Variants in CNTLN observed in about 807,000 individuals in gnomAD.
CNTLN encodes the protein centlein, also known as centlein, centrosomal protein.
In CNTLN, 212 loss-of-function variants were observed where a neutral mutation model predicts 180.0. That is an observed-to-expected ratio of 1.18 (90% CI 1.05 to 1.32). The LOEUF is 1.32. CNTLN is among the 40% of genes most tolerant of loss of function. CNTLN has a pLI of 0.00. For synonymous variants in CNTLN, 722 were observed against 563.1 expected (o/e 1.28, Z -3.99); for missense variants, 2,095 against 1,610.9 (o/e 1.30, Z -5.14).
intron 25 of CNTLN, among the ~76,000 whole-genome samples, chr9:17,494,539 T>A (rs190811466): frequency 1.1e-3 from 174 of 152,196 alleles, no homozygotes; most frequent in African/African-American, 3.7e-3. Flanking sequence ...TACCGTCAAA[T>A]AGGCCCCAGG....
intron 10 of CNTLN, 34 bp from the exon 11 acceptor site, chr9:17,340,793 A>C (rs779193386): frequency 6.4e-7 from 1 of 1,565,534 alleles, no homozygotes; most frequent in South Asian, 1.2e-5. Context: ...ACTTTCTTCA[A>C]ACTTATATAT....
chr9:17,258,009 T>C (rs1024189747), intron 5 of CNTLN, among the ~76,000 whole-genome samples: 1 of 150,848 alleles, frequency 6.6e-6, no homozygotes, highest in African/African-American at 2.5e-5. Context: ...ATTTTGTCTT[T>C]TGTTGCCATT....
intron 2 of CNTLN, among the ~76,000 whole-genome samples, chr9:17,157,454 AAGAAG>A (rs1484459321): frequency 1.3e-5 from 2 of 152,198 alleles, no homozygotes; most frequent in African/African-American, 2.4e-5. Flanking sequence ...AAGAGGAAGA[AAGAAG>A]AGAAAAGAGC....
At chr9:17,153,042 T>C (rs1819003568) in intron 2 of CNTLN, among the ~76,000 whole-genome samples, 1 of 152,214 alleles carries the variant, frequency 6.6e-6, no homozygotes, top group South Asian at 2.1e-4. Flanking sequence ...ATTTTGAGCC[T>C]ATGTGTGTCT....
chr9:17,316,696 T>G (rs1819561367), intron 8 of CNTLN, among the ~76,000 whole-genome samples: 1 of 152,120 alleles, frequency 6.6e-6, no homozygotes, highest in Non-Finnish European at 1.5e-5. Flanking sequence ...TTTTAATATG[T>G]GTTATGTCTG....
the CNTLN span, among the ~76,000 whole-genome samples, chr9:17,513,992 T>A: frequency 1.3e-5 from 2 of 152,116 alleles, no homozygotes; most frequent in Non-Finnish European, 2.9e-5. Flanking sequence ...CAAATATAAA[T>A]AACCCAGATT....
At chr9:17,359,072 G>A (rs987284275) in intron 12 of CNTLN, among the ~76,000 whole-genome samples, 6 of 150,994 alleles carry the variant, frequency 4.0e-5, no homozygotes, top group African/African-American at 1.5e-4. Context: ...CCGCTGGAGT[G>A]CAGTGGCACA....
chr9:17,257,803 T>G (rs879587284), intron 5 of CNTLN, among the ~76,000 whole-genome samples: 1 of 148,652 alleles, frequency 6.7e-6, no homozygotes, highest in Non-Finnish European at 1.5e-5. Context: ...TCATGTCCTT[T>G]GCCCACTTTT....
At chr9:17,267,162 T>C (rs1209555753) in intron 5 of CNTLN, among the ~76,000 whole-genome samples, 1 of 152,138 alleles carries the variant, frequency 6.6e-6, no homozygotes, top group African/African-American at 2.4e-5. Flanking sequence ...GGCATGTTTT[T>C]GCAGTGGCTG....
chr9:17,194,011 G>A (rs756335196), intron 2 of CNTLN, among the ~76,000 whole-genome samples: 12 of 152,174 alleles, frequency 7.9e-5, no homozygotes, highest in East Asian at 1.9e-4. Context: ...CAAACTTTAC[G>A]TTGACTCCTT....
intron 12 of CNTLN, among the ~76,000 whole-genome samples, chr9:17,352,174 T>C (rs935637809): frequency 1.3e-5 from 2 of 152,022 alleles, no homozygotes; most frequent in Non-Finnish European, 2.9e-5. Flanking sequence ...TTTTCCTTAA[T>C]GATAAAATGT....
At chr9:17,453,400 G>A (rs1375337794) in intron 18 of CNTLN, among the ~76,000 whole-genome samples, 1 of 152,158 alleles carries the variant, frequency 6.6e-6, no homozygotes, top group Non-Finnish European at 1.5e-5. Flanking sequence ...AATCCAGAGT[G>A]AGAATATTAT....
chr9:17,237,525 AAAC>A (rs1465940564), intron 5 of CNTLN, among the ~76,000 whole-genome samples: 1 of 152,120 alleles, frequency 6.6e-6, no homozygotes, highest in African/African-American at 2.4e-5. Flanking sequence ...TAATTAAAAA[AAAC>A]AAGTAAAAGA....
At chr9:17,449,420 C>T (rs970457275) in intron 18 of CNTLN, among the ~76,000 whole-genome samples, 4 of 151,858 alleles carry the variant, frequency 2.6e-5, no homozygotes, top group African/African-American at 9.7e-5. Flanking sequence ...GGGTGCAGCG[C>T]ACCAGCGTGG....
intron 23 of CNTLN, among the ~76,000 whole-genome samples, chr9:17,478,612 T>G (rs1832479851): frequency 6.6e-6 from 1 of 152,100 alleles, no homozygotes; most frequent in African/African-American, 2.4e-5. Context: ...TCTAGAAATT[T>G]TATGCTTTCA....
intron 16 of CNTLN, among the ~76,000 whole-genome samples, chr9:17,414,102 A>G (rs186694871): frequency 1.5e-4 from 22 of 149,462 alleles, no homozygotes; most frequent in Non-Finnish European, 6.1e-5. Context: ...TGGATTGTGA[A>G]CTAGGCTTTC....
At chr9:17,308,967 CAT>C in intron 7 of CNTLN, 89 bp from the exon 8 acceptor site, 1 of 647,632 alleles carries the variant, frequency 1.5e-6, no homozygotes, top group Non-Finnish European at 2.3e-6. Flanking sequence ...TTATACAGTT[CAT>C]ATGTATATAT....
intron 5 of CNTLN, among the ~76,000 whole-genome samples, chr9:17,266,867 C>CT (rs926473923): frequency 2.0e-5 from 3 of 151,920 alleles, no homozygotes; most frequent in African/African-American, 7.3e-5. Flanking sequence ...CAACCCCTGC[C>CT]TTTTTTTGTT....
At chr9:17,523,431 T>G in the CNTLN span, among the ~76,000 whole-genome samples, 1 of 151,980 alleles carries the variant, frequency 6.6e-6, no homozygotes, top group Non-Finnish European at 1.5e-5. Context: ...GAGACGGGGT[T>G]TCATCATGTT....
Sources: allele counts gnomAD v4.1 joint callset (sites outside exome capture counted in the v4.1 genomes callset), GRCh38; gene constraint gnomAD v4.1.1; transcripts MANE v1.5; gene names NCBI Gene and HGNC (gene_info 2026-07-23, HGNC 2026-07-21).